FER1L6: variants seen among roughly 807,000 people sequenced by gnomAD.
FER1L6 encodes the protein fer-1-like protein 6.
A neutral mutation model predicts 219.2 loss-of-function variants in FER1L6; 177 were observed. The observed-to-expected ratio is 0.81, with a 90% CI of 0.71 to 0.91. The LOEUF (loss-of-function observed/expected upper bound fraction) is 0.91. Among genes scored for constraint, FER1L6 ranks in the 40% least tolerant of loss-of-function variants. The probability of loss-of-function intolerance (pLI) is 0.00; values close to 1 mark genes in which losing one functional copy is unlikely to be tolerated. For synonymous variants in FER1L6, 768 were observed against 824.3 expected (o/e 0.93, Z 1.17); for missense variants, 2,153 against 2,259.9 (o/e 0.95, Z 0.96).
intron 37 of FER1L6, 85 bp from the exon 38 acceptor site, chr8:124,101,012 T>C (rs548270088): frequency 7.8e-5 from 101 of 1,294,800 alleles, no homozygotes; most frequent in African/African-American, 5.3e-4. Flanking sequence ...TGTGACCACA[T>C]TGAAATAAGC....
intron 2 of FER1L6, among the ~76,000 whole-genome samples, chr8:123,959,801 C>T (rs1815186991): frequency 6.6e-6 from 1 of 152,168 alleles, no homozygotes; most frequent in South Asian, 2.1e-4. Context: ...CTGCAGGAGG[C>T]CACTGTCCCT....
Position 123,898,727 on chromosome 8 carries a change from A to G in FER1L6, c.-8+46542A>G, listed in dbSNP as rs905847896. ...TATACGTATATACGTATATGTGTAT[A>G]TATAGTATATATACATATATACTAT... On this transcript the variant is annotated intron_variant, in intron 1 of 40. Transcript: ENST00000522917. Among the ~76,000 whole-genome samples, 6 of 144,844 alleles carry G rather than the reference A, an allele frequency of 4.1e-5. No homozygotes were observed. The South Asian group carries it at 1.1e-3, about 25-fold the overall frequency.
chr8:124,082,799 C>G (rs543136910), intron 33 of FER1L6, among the ~76,000 whole-genome samples: 1 of 152,144 alleles, frequency 6.6e-6, no homozygotes, highest in African/African-American at 2.4e-5. Context: ...AATACAAATG[C>G]CAGCGTCCAA....
At chr8:124,015,749 A>G (rs1260001072) in intron 15 of FER1L6, 1 of 152,286 alleles carries the variant, frequency 6.6e-6, no homozygotes, top group Non-Finnish European at 1.5e-5. Context: ...TTAGGGGATT[A>G]CTTGGGATGA....
chr8:124,102,282 G>T (rs1208264018), intron 38 of FER1L6, among the ~76,000 whole-genome samples: 1 of 152,068 alleles, frequency 6.6e-6, no homozygotes, highest in African/African-American at 2.4e-5. Context: ...TTTTATTTTT[G>T]GCTTACACAC....
chr8:123,925,163 A>G (rs1018892196), intron 1 of FER1L6, among the ~76,000 whole-genome samples: 2 of 152,252 alleles, frequency 1.3e-5, no homozygotes. Flanking sequence ...TTCAATAGAT[A>G]GAAATGGACT....
chr8:124,090,117 TACATATGTC>T (rs1235644314), intron 33 of FER1L6, among the ~76,000 whole-genome samples: 1 of 152,244 alleles, frequency 6.6e-6, no homozygotes, highest in Non-Finnish European at 1.5e-5. Flanking sequence ...GGACTTTTAA[TACATATGTC>T]ACAATGGCCC....
chr8:124,080,324 CTT>C (rs930323318), intron 32 of FER1L6, among the ~76,000 whole-genome samples: 4 of 151,096 alleles, frequency 2.6e-5, no homozygotes, highest in African/African-American at 9.7e-5. Context: ...TTTTTGGTAA[CTT>C]TTTTTTTCAA....
At position 123,999,172 on chromosome 8, in the gene FER1L6, A is replaced by T. The variant is rs117984728; in HGVS notation, c.1520-3995A>T. Among the ~76,000 whole-genome samples the T allele has an allele frequency of 2.0e-5, 3 of 152,094 alleles. No individual in the cohort carries two copies. The East Asian group carries it at 5.8e-4, about 29-fold the overall frequency. On this transcript the variant is annotated intron_variant, in intron 12 of 40. Coordinates refer to ENST00000522917, the MANE Select transcript of FER1L6 (RefSeq NM_001039112.2). ...AACACCGCTGGGAATGTGTTGGGTC[A>T]CACCTGAAGCCAGCATGGTGCTGAG...
intron 1 of FER1L6, among the ~76,000 whole-genome samples, chr8:123,903,189 C>T (rs1043878264): frequency 6.6e-6 from 1 of 152,192 alleles, no homozygotes; most frequent in Non-Finnish European, 1.5e-5. Context: ...GCAGCATTTA[C>T]ACTGAGATAA....
At chr8:123,882,782 C>T (rs545499133) in intron 1 of FER1L6, among the ~76,000 whole-genome samples, 9 of 152,208 alleles carry the variant, frequency 5.9e-5, no homozygotes, top group South Asian at 4.2e-4. Context: ...GAATCAACTC[C>T]GCATGATACT....
chr8:123,874,404 A>G (rs1166005643), intron 1 of FER1L6, among the ~76,000 whole-genome samples: 4 of 152,226 alleles, frequency 2.6e-5, no homozygotes, highest in African/African-American at 7.2e-5. Context: ...AATAATATTA[A>G]CTACCTCATA....
At chr8:123,936,472 T>TG (rs1563694355) in intron 1 of FER1L6, among the ~76,000 whole-genome samples, 7 of 127,948 alleles carry the variant, frequency 5.5e-5, no homozygotes, top group African/African-American at 1.7e-4. Context: ...GTTTTTTTTT[T>TG]TTTTTTTTTT....
chr8:123,862,780 G>C (rs944115518), intron 1 of FER1L6, among the ~76,000 whole-genome samples: 1 of 112,474 alleles, frequency 8.9e-6, no homozygotes, highest in Non-Finnish European at 1.9e-5. Flanking sequence ...GGTGTTTGTA[G>C]TATTCTCTGA....
chr8:123,880,186 A>G (rs1038119908), intron 1 of FER1L6, among the ~76,000 whole-genome samples: 1 of 151,156 alleles, frequency 6.6e-6, no homozygotes, highest in Non-Finnish European at 1.5e-5. Context: ...ACTTCCCTCC[A>G]CTCTTCCCAG....
At position 123,975,302 on chromosome 8, in the gene FER1L6, G is replaced by C; in HGVS notation, c.679G>C (p.Glu227Gln). 6.2e-7 allele frequency: 1 copy of C among 1,607,520 alleles called. No homozygotes were observed. Residue 227 changes from glutamate to glutamine, a missense_variant, in exon 8 of 41, where the codon GAA (glutamate) becomes CAA (glutamine). Glu to Gln is a conservative substitution (Grantham distance 29). Transcript: ENST00000522917. ...AACTTCTGACACCGAGGAGCCAATA[G>C]AAAAGTAAGACAGGTCCATCCTGGG... The part of the protein sequence containing the change: ...PKTSDTEEPI[E>Q]KNLLIPNGFP...
intron 6 of FER1L6, among the ~76,000 whole-genome samples, chr8:123,972,190 G>C (rs1008806203): frequency 6.6e-6 from 1 of 152,208 alleles, no homozygotes; most frequent in Non-Finnish European, 1.5e-5. Context: ...TGACACCCAT[G>C]GAAAATTTAG....
At chr8:123,859,553 T>C (rs1301351027) in intron 1 of FER1L6, among the ~76,000 whole-genome samples, 2 of 151,596 alleles carry the variant, frequency 1.3e-5, no homozygotes, top group African/African-American at 4.8e-5. Context: ...TGTTTCTTTT[T>C]TTTTTTTTTT....
At chr8:124,071,257 T>C (rs1586667633) in intron 30 of FER1L6, among the ~76,000 whole-genome samples, 2 of 152,222 alleles carry the variant, frequency 1.3e-5, no homozygotes, top group Admixed American at 1.3e-4. Flanking sequence ...CCATCTGTTC[T>C]GTTCTTCATA....
Sources: gnomAD v4.1 joint callset for allele counts (sites outside exome capture counted in the v4.1 genomes callset) on GRCh38, gnomAD v4.1.1 for gene constraint, MANE v1.5 for transcripts, NCBI Gene and HGNC (gene_info 2026-07-23, HGNC 2026-07-21) for gene names.